Variants in WDR11 observed in about 807,000 individuals in gnomAD.
WDR11 encodes WD repeat-containing protein 11.
Under a neutral mutation model 151.2 loss-of-function variants are expected in WDR11, and 83 were observed. The ratio of observed to expected loss-of-function variants is 0.55; its 90% CI spans 0.46 to 0.66. The LOEUF is 0.66. Among genes scored for constraint, WDR11 ranks in the 30% least tolerant of loss-of-function variants. WDR11 has a pLI of 0.00. For synonymous variants in WDR11, 484 were observed against 533.1 expected (o/e 0.91, Z 1.27); for missense variants, 1,301 against 1,480.9 (o/e 0.88, Z 1.99).
At chr10:120,887,148 G>A (rs923922868) in intron 16 of WDR11, among the ~76,000 whole-genome samples, 1 of 152,142 alleles carries the variant, frequency 6.6e-6, no homozygotes, top group Non-Finnish European at 1.5e-5. Context: ...TACTCATATG[G>A]CAGAGCAGTG....
At chr10:120,889,439 A>C (rs1279239565) in intron 17 of WDR11, 1 of 430,852 alleles carries the variant, frequency 2.3e-6, no homozygotes, top group Non-Finnish European at 4.3e-6. Context: ...ACGGGATTTC[A>C]CCATGTTAGC....
chr10:120,868,140 C>T (rs117013361), intron 9 of WDR11, among the ~76,000 whole-genome samples: 22 of 152,036 alleles, frequency 1.4e-4, no homozygotes, highest in South Asian at 4.2e-4. Context: ...GTTGTTGAAA[C>T]GCTAAATAAG....
intron 3 of WDR11, among the ~76,000 whole-genome samples, 182 bp downstream of exon 3, chr10:120,858,978 G>T (rs895186279): frequency 1.3e-5 from 2 of 152,020 alleles, no homozygotes; most frequent in Admixed American, 6.6e-5. Flanking sequence ...ACACTTCTAG[G>T]CATATTTCTT....
At chr10:120,872,453 T>G (rs1846580981) in intron 10 of WDR11, among the ~76,000 whole-genome samples, 1 of 152,206 alleles carries the variant, frequency 6.6e-6, no homozygotes. Flanking sequence ...GAAAACTACT[T>G]CTTGGGATAG....
intron 5 of WDR11, among the ~76,000 whole-genome samples, chr10:120,863,607 T>C (rs372766359): frequency 6.6e-6 from 1 of 152,220 alleles, no homozygotes; most frequent in Non-Finnish European, 1.5e-5. Context: ...AGTAATTTGA[T>C]GTATTCAAAA....
rs755910446 is a variant in WDR11, at chr10:120,886,669, T to C, written c.1974-20T>C. ...AGGGGAAAAAAAAACATCTTTATCA[T>C]ATGTTTCACTATCCCAAAGCTTGCT... On this transcript the variant is annotated intron_variant, in intron 15 of 28. Transcript: ENST00000263461. The C allele has an allele frequency of 7.4e-6, 12 of 1,612,184 alleles. No homozygotes were observed. In the East Asian group the frequency reaches 2.5e-4, roughly 33 times the overall value.
At chr10:120,852,224 A>T in intron 1 of WDR11, 1 of 368,708 alleles carries the variant, frequency 2.7e-6, no homozygotes, top group South Asian at 2.5e-5. Context: ...CGGATAAGCG[A>T]AAGACGTATG....
chr10:120,894,450 A>T (rs1169723108), intron 19 of WDR11, among the ~76,000 whole-genome samples: 1 of 152,154 alleles, frequency 6.6e-6, no homozygotes, highest in Non-Finnish European at 1.5e-5. Context: ...GGGATGCTAA[A>T]CAACCTGGAA....
intron 2 of WDR11, among the ~76,000 whole-genome samples, chr10:120,854,097 A>G (rs1401655810): frequency 6.6e-6 from 1 of 152,188 alleles, no homozygotes; most frequent in African/African-American, 2.4e-5. Flanking sequence ...GGCTTTTAGT[A>G]TATCCACAGT....
At chr10:120,872,619 G>T (rs1846587784) in intron 10 of WDR11, among the ~76,000 whole-genome samples, 1 of 152,066 alleles carries the variant, frequency 6.6e-6, no homozygotes, top group Non-Finnish European at 1.5e-5. Context: ...AGATAAATAA[G>T]AGTTCAGCTA....
intron 17 of WDR11, 54 bp from the exon 18 acceptor site, chr10:120,889,841 G>A: frequency 2.5e-6 from 3 of 1,212,986 alleles, no homozygotes; most frequent in Non-Finnish European, 3.7e-6. Context: ...CATAGCTTCT[G>A]GTGACCAGAT....
At chr10:120,884,616 A>G (rs921182670) in intron 14 of WDR11, among the ~76,000 whole-genome samples, 9 of 152,324 alleles carry the variant, frequency 5.9e-5, no homozygotes, top group Admixed American at 5.2e-4. Flanking sequence ...CAAAAAAAAA[A>G]AAGAAACAAT....
chr10:120,903,520 A>G (rs1203278582), intron 23 of WDR11, among the ~76,000 whole-genome samples: 1 of 150,950 alleles, frequency 6.6e-6, no homozygotes, highest in East Asian at 1.9e-4. Context: ...CAAAAAAAAA[A>G]AAAGAAAGAA....
chr10:120,903,950 G>A, intron 23 of WDR11, 97 bp from the exon 24 acceptor site: 3 of 805,550 alleles, frequency 3.7e-6, no homozygotes, highest in South Asian at 3.1e-5. Context: ...AAAAGTCAAA[G>A]TAGTTTATTA....
chr10:120,851,948 C>T, intron 1 of WDR11: 1 of 245,760 alleles, frequency 4.1e-6, no homozygotes, highest in Admixed American at 5.2e-5. Flanking sequence ...TTTCACCTGT[C>T]CTTTTCACCT....
At chr10:120,859,960 C>T (rs1846082299) in intron 3 of WDR11, 149 bp from the exon 4 acceptor site, 1 of 649,210 alleles carries the variant, frequency 1.5e-6, no homozygotes, top group Non-Finnish European at 2.6e-6. Flanking sequence ...TTGATACACA[C>T]ACACACACAC....
chr10:120,896,855 C>G (rs528112644), intron 19 of WDR11, among the ~76,000 whole-genome samples: 1 of 152,066 alleles, frequency 6.6e-6, no homozygotes, highest in Non-Finnish European at 1.5e-5. Flanking sequence ...ATGTATGTTC[C>G]CTGGCTCTGC....
intron 9 of WDR11, among the ~76,000 whole-genome samples, chr10:120,869,590 T>A (rs1846454681): frequency 6.6e-6 from 1 of 152,176 alleles, no homozygotes; most frequent in Non-Finnish European, 1.5e-5. Context: ...GCAATTCAGG[T>A]AAATAAAGAG....
chr10:120,860,013 A>T, intron 3 of WDR11, 96 bp from the exon 4 acceptor site: 1 of 1,429,036 alleles, frequency 7.0e-7, no homozygotes, highest in South Asian at 1.2e-5. Flanking sequence ...GTTTTTAAAG[A>T]TTATATTTTA....
Sources: gnomAD v4.1 joint callset for allele counts (sites outside exome capture counted in the v4.1 genomes callset) on GRCh38, gnomAD v4.1.1 for gene constraint, MANE v1.5 for transcripts, NCBI Gene and HGNC (gene_info 2026-07-23, HGNC 2026-07-21) for gene names.